Variants in TRIM69 observed in about 807,000 individuals in gnomAD.
The protein encoded by TRIM69 is E3 ubiquitin-protein ligase TRIM69.
In TRIM69, 29 loss-of-function variants were observed where a neutral mutation model predicts 37.7. The ratio of observed to expected loss-of-function variants is 0.77; its 90% CI spans 0.57 to 1.05. The LOEUF (loss-of-function observed/expected upper bound fraction) is 1.05, where lower values mean the gene tolerates loss of function less well. Among genes scored for constraint, TRIM69 ranks in the 50% least tolerant of loss-of-function variants. The pLI is 0.00. For missense variants in TRIM69, 596 were observed against 579.9 expected, an observed-to-expected ratio of 1.03 and a Z score of -0.28; for synonymous variants, 209 against 212.4, an observed-to-expected ratio of 0.98 and a Z score of 0.14.
chr15:44,758,825 G>A lies in TRIM69; in HGVS notation c.784G>A (p.Glu262Lys), dbSNP rs1566898058. 1.2e-6 allele frequency: 2 copies of A among 1,613,784 alleles called. No individual in the cohort carries two copies. Among genetic ancestry groups the A allele is most frequent in the Admixed American group, 3.3e-5 (2 of 59,950 alleles). ...GTTGGTGAGCATTCAGGCAAAGACGGAACAACAGAACTCCTTCGACTTTCT... is the reference window on the plus strand; with the variant it reads ...GTTGGTGAGCATTCAGGCAAAGACGAAACAACAGAACTCCTTCGACTTTCT... ...DMLVSIQAKT[E>K]QQNSFDFLKD... Residue 262 changes from glutamate (E) to lysine (K), a missense_variant, in exon 4 of 7, where the codon GAA becomes AAA. By Grantham distance (56) the Glu-to-Lys change is moderately conservative. Transcript: ENST00000329464.
At chr15:44,758,456 C>G (rs1392959382) in intron 3 of TRIM69, 165 bp from the exon 4 acceptor site, 2 of 1,058,066 alleles carry the variant, frequency 1.9e-6, no homozygotes, top group Non-Finnish European at 2.7e-6. Flanking sequence ...GAGTAAGTCT[C>G]CCAAAGGACT....
At chr15:44,751,073 A>C (rs1160860827) in intron 1 of TRIM69, among the ~76,000 whole-genome samples, 1 of 143,488 alleles carries the variant, frequency 7.0e-6, no homozygotes, top group African/African-American at 2.6e-5. Context: ...CTCCCACCTC[A>C]GTCTCCCAAA....
intron 1 of TRIM69, among the ~76,000 whole-genome samples, chr15:44,738,050 CTTTCT>C (rs1252999243): frequency 1.2e-4 from 14 of 118,000 alleles, no homozygotes; most frequent in African/African-American, 3.0e-4. Context: ...TACTTTCTTT[CTTTCT>C]TTTTTTTTTT....
At position 44,755,278 on chromosome 15, in the gene TRIM69, G is replaced by C. The variant is rs200497268; in HGVS notation, c.385G>C (p.Asp129His). 1 of 1,614,194 alleles carries C rather than the reference G, an allele frequency of 6.2e-7. No homozygotes were observed. Among genetic ancestry groups the C allele is most frequent in the Non-Finnish European group, 8.5e-7 (1 of 1,180,036 alleles). ...GAACCTGAAACTGTTCAGTAAACCA[G>C]ATGGGAAACTGATCTGCTTTCAATG... is the stretch of plus-strand genomic sequence containing the variant. ...GENLKLFSKP[D>H]GKLICFQCKD... Residue 129 changes from aspartate (D) to histidine (H), a missense_variant, in exon 2 of 7, where the codon GAT becomes CAT. Transcript: ENST00000329464.
At chr15:44,754,864 G>T (rs186271841) in intron 1 of TRIM69, 36 bp from the exon 2 acceptor site, 15 of 1,493,120 alleles carry the variant, frequency 1.0e-5, no homozygotes, top group Non-Finnish European at 1.8e-6. Context: ...TGGGCAACAA[G>T]AAAGATAAAC....
rs1233690658 is a variant in TRIM69 at position 44,755,239 on chromosome 15, C to T, written c.346C>T (p.Pro116Ser). The stretch of plus-strand genomic sequence containing the variant: ...CTTACTCAAGGGCCATCCACAGTGC[C>T]CAGAGCATGGAGAGAACCTGAAACT... ...LPLLKGHPQC[P>S]EHGENLKLFS... is the part of the protein sequence containing the mutation. The change falls in exon 2 of 7, where the codon CCA (proline) becomes TCA (serine). Residue 116 changes from proline (P) to serine (S), a missense_variant. Transcript: ENST00000329464. 1.2e-6 allele frequency: 2 copies of T among 1,614,016 alleles called. No homozygotes were observed. Among genetic ancestry groups the T allele is most frequent in the Admixed American group, 1.7e-5 (1 of 60,000 alleles).
intron 1 of TRIM69, chr15:44,754,124 CTTTTTTT>C (rs66486757): frequency 0.16 from 19,861 of 122,970 alleles, 1,617 homozygotes; most frequent in African/African-American, 0.24. Context: ...TTGGTCATTC[CTTTTTTT>C]TTTTTTTTTT....
intron 1 of TRIM69, among the ~76,000 whole-genome samples, chr15:44,746,533 T>C (rs1020867462): frequency 6.6e-6 from 1 of 152,226 alleles, no homozygotes; most frequent in African/African-American, 2.4e-5. Context: ...AAATCAATCT[T>C]AGTTTAAAAC....
At chr15:44,745,525 C>G (rs2087387922) in intron 1 of TRIM69, among the ~76,000 whole-genome samples, 1 of 151,986 alleles carries the variant, frequency 6.6e-6, no homozygotes, top group Non-Finnish European at 1.5e-5. Flanking sequence ...GGCCCATGGA[C>G]AGGAGAAAAG....
At chr15:44,761,164 C>T (rs933815891) in intron 6 of TRIM69, among the ~76,000 whole-genome samples, 2 of 152,108 alleles carry the variant, frequency 1.3e-5, no homozygotes, top group African/African-American at 2.4e-5. Context: ...GTGATCTGCC[C>T]GCCTCAGCCT....
intron 1 of TRIM69, among the ~76,000 whole-genome samples, chr15:44,741,086 T>G (rs1166727737): frequency 8.0e-5 from 12 of 149,102 alleles, no homozygotes; most frequent in South Asian, 4.2e-4. Flanking sequence ...CCTCAGCAAA[T>G]GTAAAAGAAC....
chr15:44,760,370 G>T (rs1027287610), intron 6 of TRIM69, among the ~76,000 whole-genome samples: 2 of 152,120 alleles, frequency 1.3e-5, no homozygotes, highest in Admixed American at 6.5e-5. Context: ...CTAAGTTTTT[G>T]TGTTCCTGTA....
chr15:44,755,647 T>C (rs1337785899), intron 2 of TRIM69, among the ~76,000 whole-genome samples: 2 of 152,220 alleles, frequency 1.3e-5, no homozygotes, highest in East Asian at 1.9e-4. Context: ...GTGTAGAATA[T>C]GGATAGATAA....
chr15:44,742,056 C>A (rs1032983195), intron 1 of TRIM69, among the ~76,000 whole-genome samples: 27 of 151,502 alleles, frequency 1.8e-4, no homozygotes, highest in African/African-American at 6.0e-4. Context: ...AACATTGATG[C>A]AAAAATCCTC....
chr15:44,760,766 C>A (rs572231676), intron 6 of TRIM69, among the ~76,000 whole-genome samples: 1 of 152,234 alleles, frequency 6.6e-6, no homozygotes, highest in African/African-American at 2.4e-5. Flanking sequence ...TTCCTACATG[C>A]CCCTTTGAAA....
At chr15:44,759,616 G>A (rs368933074) in intron 4 of TRIM69, 24 bp from the exon 5 acceptor site, 172 of 1,611,918 alleles carry the variant, frequency 1.1e-4, no homozygotes, top group Non-Finnish European at 1.4e-4. Context: ...GGCATCTGAT[G>A]TCTCTCTTTC....
chr15:44,750,022 T>C (rs1055692934), intron 1 of TRIM69, among the ~76,000 whole-genome samples: 1 of 152,244 alleles, frequency 6.6e-6, no homozygotes, highest in Non-Finnish European at 1.5e-5. Context: ...CATTTGTTTA[T>C]CTTCTTTGCA....
intron 1 of TRIM69, chr15:44,753,513 A>G (rs997941868): frequency 6.6e-6 from 1 of 152,160 alleles, no homozygotes; most frequent in African/African-American, 2.4e-5. Flanking sequence ...AAAAGAAATC[A>G]GCTAGTAATC....
chr15:44,755,460 T>A, intron 2 of TRIM69, 84 bp downstream of exon 2: 2 of 986,140 alleles, frequency 2.0e-6, no homozygotes, highest in Admixed American at 2.3e-5. Context: ...TCCAACCCCA[T>A]CCCTTTATTC....
Sources: allele counts gnomAD v4.1 joint callset (sites outside exome capture counted in the v4.1 genomes callset), GRCh38; gene constraint gnomAD v4.1.1; transcripts MANE v1.5; gene names NCBI Gene and HGNC (gene_info 2026-07-23, HGNC 2026-07-21).